ARHGAP19: variants seen among roughly 807,000 people sequenced by gnomAD.
ARHGAP19 encodes rho GTPase-activating protein 19.
A neutral mutation model predicts 60.9 loss-of-function variants in ARHGAP19; 48 were observed. That is an observed-to-expected ratio of 0.79 (90% CI 0.62 to 1.00). The LOEUF is 1.00. Among genes scored for constraint, ARHGAP19 ranks in the 50% least tolerant of loss-of-function variants. The pLI is 0.00. For synonymous variants in ARHGAP19, 209 were observed against 215.5 expected, an observed-to-expected ratio of 0.97 and a Z score of 0.27; for missense variants, 562 against 597.2, an observed-to-expected ratio of 0.94 and a Z score of 0.61.
chr10:97,291,311 T>C (rs1343674373), intron 1 of ARHGAP19, among the ~76,000 whole-genome samples: 2 of 152,112 alleles, frequency 1.3e-5, no homozygotes, highest in Non-Finnish European at 2.9e-5. Flanking sequence ...AACTCTTCCA[T>C]ATCATATTTT....
At chr10:97,240,396 A>T (rs1034173393) in intron 8 of ARHGAP19, among the ~76,000 whole-genome samples, 2 of 152,258 alleles carry the variant, frequency 1.3e-5, no homozygotes, top group African/African-American at 4.8e-5. Context: ...TCATGCCTGT[A>T]ATCCCAACAC....
rs56674405 is a variant in ARHGAP19, at chr10:97,281,219, C to CAA, written c.56+11351_56+11352dup. On this transcript the variant is annotated intron_variant, in intron 1 of 11. Coordinates refer to ENST00000358531, the MANE Select transcript of ARHGAP19 (RefSeq NM_032900.6). ...GCAACCTGACAAGACTCTGTCACTA[C>CAA]AAAAAAAAAAAAAAAAAAAAATTGT... is the stretch of plus-strand genomic sequence containing the variant. 1.7e-3 allele frequency among the ~76,000 whole-genome samples: 227 copies of CAA among 131,716 alleles called. 1 individual carries two copies. The highest frequency in any genetic ancestry group is 7.4e-3 in the Middle Eastern group (2 of 272). 86.4% of individuals were successfully genotyped at this position (131,716 alleles called of 152,430 possible).
intron 6 of ARHGAP19, among the ~76,000 whole-genome samples, chr10:97,253,637 G>C (rs1017260377): frequency 6.6e-6 from 1 of 152,058 alleles, no homozygotes; most frequent in Non-Finnish European, 1.5e-5. Flanking sequence ...CTAGAAGAGG[G>C]GACTTGAAAT....
At chr10:97,233,140 C>A (rs568947402) in intron 9 of ARHGAP19, among the ~76,000 whole-genome samples, 146 of 151,448 alleles carry the variant, frequency 9.6e-4, no homozygotes, top group African/African-American at 3.4e-3. Flanking sequence ...TAGAGCGAGA[C>A]TGTCTCAAAA....
chr10:97,243,859 T>C, intron 8 of ARHGAP19, 109 bp downstream of exon 8: 1 of 1,131,208 alleles, frequency 8.8e-7, no homozygotes, highest in African/African-American at 1.6e-5. Context: ...AAGCCTGATT[T>C]CTCAGCTGAA....
At chr10:97,236,790 G>T (rs1365633808) in intron 8 of ARHGAP19, among the ~76,000 whole-genome samples, 1 of 136,846 alleles carries the variant, frequency 7.3e-6, no homozygotes, top group Non-Finnish European at 1.5e-5. Flanking sequence ...CTCCAGCCTG[G>T]GCAACAGACT....
In ARHGAP19 at chr10:97,243,831, T is replaced by C. The variant is rs112882080; in HGVS notation, c.1185+137A>G. ...AGTGGAGCAATGGCACAGAGATCAC[T>C]GTGGAGATTCCATAGACAAGCCTGA... On this transcript the variant is annotated intron_variant, in intron 8 of 11. Transcript: ENST00000358531. 780 of 771,256 alleles carry C rather than the reference T, an allele frequency of 1.0e-3. 2 individuals are homozygous for C. Among genetic ancestry groups the C allele is most frequent in the African/African-American group, 9.0e-3 (520 of 57,630 alleles). 47.8% of individuals were successfully genotyped at this position (771,256 alleles called of 1,614,324 possible). A position where few individuals can be genotyped will look rare whatever the true frequency, so the allele number is the denominator to read the frequency against.
intron 9 of ARHGAP19, among the ~76,000 whole-genome samples, chr10:97,230,081 A>C (rs147259415): frequency 4.1e-4 from 62 of 152,334 alleles, no homozygotes; most frequent in African/African-American, 1.4e-3. Context: ...TGTTTAAGTG[A>C]TCACTTTTCC....
intron 1 of ARHGAP19, among the ~76,000 whole-genome samples, chr10:97,281,527 C>A (rs988780975): frequency 2.6e-5 from 4 of 152,094 alleles, no homozygotes; most frequent in Admixed American, 1.3e-4. Flanking sequence ...ACATATGGTA[C>A]CCAAACAAGA....
chr10:97,238,808 C>T (rs1284342525), intron 8 of ARHGAP19, among the ~76,000 whole-genome samples: 1 of 152,134 alleles, frequency 6.6e-6, no homozygotes, highest in Non-Finnish European at 1.5e-5. Context: ...ACAGTCGTGT[C>T]AGCAATGTCC....
At position 97,244,026 on chromosome 10, in the gene ARHGAP19, A is replaced by C; in HGVS notation, c.1127T>G (p.Leu376Arg). The change falls in exon 8 of 12, where the codon CTG (leucine) becomes CGG (arginine). Residue 376 changes from leucine to arginine, a missense_variant. Transcript: ENST00000358531. Reference sequence around the variant, plus strand: ...TGGCATATCATGAACGTGTTGAAACAGCTCTCTCAGTGCCTCTTCCGTATG... The same window carrying C: ...TGGCATATCATGAACGTGTTGAAACCGCTCTCTCAGTGCCTCTTCCGTATG... ...QHHTEEALRE[L>R]FQHVHDMPES... 6.2e-7 allele frequency: 1 copy of C among 1,613,958 alleles called. No individual in the cohort carries two copies. The highest frequency in any genetic ancestry group is 8.5e-7 in the Non-Finnish European group (1 of 1,179,966).
chr10:97,233,638 CG>C (rs748054329), intron 9 of ARHGAP19, among the ~76,000 whole-genome samples: 3 of 152,126 alleles, frequency 2.0e-5, no homozygotes, highest in Admixed American at 6.5e-5. Flanking sequence ...AAGGCCAAGG[CG>C]GGTGGATCAC....
chr10:97,241,586 G>A (rs1382428975), intron 8 of ARHGAP19, among the ~76,000 whole-genome samples: 1 of 151,666 alleles, frequency 6.6e-6, no homozygotes, highest in African/African-American at 2.4e-5. Context: ...TGTGACACAT[G>A]CATGTAGTCC....
intron 1 of ARHGAP19, 95 bp from the exon 2 acceptor site, chr10:97,266,220 G>A: frequency 7.0e-7 from 1 of 1,438,496 alleles, no homozygotes; most frequent in Non-Finnish European, 9.5e-7. Context: ...CCACGCAAAG[G>A]CAGAGGTTTC....
chr10:97,226,993 C>T (rs1352204947), intron 11 of ARHGAP19, among the ~76,000 whole-genome samples: 1 of 152,170 alleles, frequency 6.6e-6, no homozygotes, highest in East Asian at 1.9e-4. Flanking sequence ...TTTTACTTAT[C>T]ACAACTGGGG....
At chr10:97,285,047 T>C (rs1843135809) in intron 1 of ARHGAP19, among the ~76,000 whole-genome samples, 1 of 151,662 alleles carries the variant, frequency 6.6e-6, no homozygotes, top group African/African-American at 2.4e-5. Context: ...GTATTTTTAG[T>C]AGAGACGGGG....
intron 9 of ARHGAP19, among the ~76,000 whole-genome samples, chr10:97,230,956 C>T (rs951057250): frequency 6.9e-6 from 1 of 145,826 alleles, no homozygotes; most frequent in Non-Finnish European, 1.5e-5. Flanking sequence ...ACTCGGGAGG[C>T]CGAGGCATGA....
At chr10:97,256,453 T>A (rs780467694) in intron 5 of ARHGAP19, 49 bp from the exon 6 acceptor site, 5 of 1,329,340 alleles carry the variant, frequency 3.8e-6, no homozygotes, top group South Asian at 3.5e-5. Flanking sequence ...AGCTAGAAAG[T>A]AGTACTTACC....
chr10:97,229,742 A>T lies in ARHGAP19; in HGVS notation c.1395+22T>A, dbSNP rs763891172. 5.4e-6 allele frequency: 8 copies of T among 1,489,698 alleles called. No homozygotes were observed. The African/African-American group carries it at 1.1e-4, about 21-fold the overall frequency. 92.3% of individuals were successfully genotyped at this position (1,489,698 alleles called of 1,614,324 possible). A position where few individuals can be genotyped will look rare whatever the true frequency, so the allele number is the denominator to read the frequency against. ...TACAAATATATACAGACAGACAGACAGTCCAAAGAACAGTGTCTTACTAAG... is the reference window on the plus strand; with the variant it reads ...TACAAATATATACAGACAGACAGACTGTCCAAAGAACAGTGTCTTACTAAG... On this transcript the variant is annotated intron_variant, in intron 10 of 11. Coordinates refer to ENST00000358531, the MANE Select transcript of ARHGAP19 (RefSeq NM_032900.6).
Sources: gnomAD v4.1 joint callset for allele counts (sites outside exome capture counted in the v4.1 genomes callset) on GRCh38, gnomAD v4.1.1 for gene constraint, MANE v1.5 for transcripts, NCBI Gene and HGNC (gene_info 2026-07-23, HGNC 2026-07-21) for gene names.